Variants in SPEG observed in about 807,000 individuals in gnomAD.
SPEG encodes the protein striated muscle preferentially expressed protein kinase.
Under a neutral mutation model 300.4 loss-of-function variants are expected in SPEG, and 114 were observed. The ratio of observed to expected loss-of-function variants is 0.38; its 90% CI spans 0.33 to 0.44. The LOEUF is 0.44. Among genes scored for constraint, SPEG ranks in the 20% least tolerant of loss-of-function variants. The probability of loss-of-function intolerance (pLI) is 1.00; values close to 1 mark genes in which losing one functional copy is unlikely to be tolerated. For synonymous variants in SPEG, 1,964 were observed against 2,018.9 expected, an observed-to-expected ratio of 0.97 and a Z score of 0.73; for missense variants, 4,201 against 4,586.2, an observed-to-expected ratio of 0.92 and a Z score of 2.43.
At chr2:219,460,688 C>A (rs374844956) in intron 6 of SPEG, 2 of 985,430 alleles carry the variant, frequency 2.0e-6, no homozygotes, top group Admixed American at 6.1e-5. Context: ...CTCTCCTCCC[C>A]CTCCACACCA....
chr2:219,483,687 T>C lies in SPEG; in HGVS notation c.6224T>C (p.Leu2075Pro), dbSNP rs892492321. 2 of 1,534,096 alleles carry C rather than the reference T, an allele frequency of 1.3e-6. No homozygotes were observed. Among genetic ancestry groups the C allele is most frequent in the Admixed American group, 1.9e-5 (1 of 51,328 alleles). Residue 2075 changes from leucine to proline, a missense_variant, in exon 30 of 41, where the codon CTG (leucine) becomes CCG (proline). This residue lies in a region of SPEG where 1,578 missense variants were observed against 1,506.0 expected (regional missense o/e 1.05). Coordinates refer to ENST00000312358, the MANE Select transcript of SPEG (RefSeq NM_005876.5). Reference sequence around the variant, plus strand: ...CTGCAGGCCCTGCGCCAGCGGCTGCTGCGGGGAGGCCCCGAGGATGGCAAG... The same window carrying C: ...CTGCAGGCCCTGCGCCAGCGGCTGCCGCGGGGAGGCCCCGAGGATGGCAAG... The part of the protein sequence containing the change: ...QRLQALRQRL[L>P]RGGPEDGKVS...
At position 219,484,825 on chromosome 2, in the gene SPEG, C is replaced by A; in HGVS notation, c.7362C>A (p.Arg2454=). Reference sequence around the variant, plus strand: ...GGGGCTCCCCGGTGCTGGCGATGCGCAGGCGGCTGAGCTTCACCCTGGAGC... The same window carrying A: ...GGGGCTCCCCGGTGCTGGCGATGCGAAGGCGGCTGAGCTTCACCCTGGAGC... ...SARGSPVLAM[R]RRLSFTLERL... Residue 2454 remains arginine, a synonymous_variant, in exon 30 of 41, where the codon CGC becomes CGA. Transcript: ENST00000312358. 1 of 1,502,288 alleles carries A rather than the reference C, an allele frequency of 6.7e-7. No individual in the cohort carries two copies. Among genetic ancestry groups the A allele is most frequent in the Non-Finnish European group, 8.8e-7 (1 of 1,133,720 alleles). The allele number at this position is 1,502,288 out of a possible 1,614,324, so 93.1% of individuals were successfully genotyped here.
rs1257448474 is a variant in SPEG, at chr2:219,473,302, G to A, written c.4148-202G>A. 4 of 741,122 alleles carry A rather than the reference G, an allele frequency of 5.4e-6. No homozygotes were observed. Among genetic ancestry groups the A allele is most frequent in the African/African-American group, 5.3e-5 (3 of 56,540 alleles). The allele number at this position is 741,122 out of a possible 1,614,324, so 45.9% of individuals were successfully genotyped here. A position where few individuals can be genotyped will look rare whatever the true frequency, so the allele number is the denominator to read the frequency against. On this transcript the variant is annotated intron_variant, in intron 16 of 40. Coordinates refer to ENST00000312358, the MANE Select transcript of SPEG (RefSeq NM_005876.5). This position sits in a 1 kb window ranked among gnomAD's most constrained non-coding sequence, Gnocchi z 4.6. ...GCTGAAGCTCAGGCTTTGGGATCGG[G>A]CCTGCTGGGGTCCAACCCCACAACC...
chr2:219,448,358 C>G lies in SPEG; in HGVS notation c.1200C>G (p.Ile400Met), dbSNP rs1689478695. The change falls in exon 4 of 41, where the codon ATC (isoleucine) becomes ATG (methionine). Residue 400 changes from isoleucine to methionine, a missense_variant. Physicochemically the swap from Ile to Met is conservative, Grantham distance 10 (BLOSUM62 1). Coordinates refer to ENST00000312358, the MANE Select transcript of SPEG (RefSeq NM_005876.5). ...SPRLVRAGSR[I>M]LDKLQFFEER... ...GGCTGGTGCGCGCCGGCTCCCGCAT[C>G]CTGGACAAGCTGCAGTTCTTCGAGG... 6.3e-7 allele frequency: 1 copy of G among 1,582,582 alleles called. No homozygotes were observed. Among genetic ancestry groups the G allele is most frequent in the South Asian group, 1.1e-5 (1 of 87,634 alleles).
At position 219,472,325 on chromosome 2, in the gene SPEG, GC is replaced by G. The variant is rs1208103928; in HGVS notation, c.3936del (p.Ile1313SerfsTer6). On this transcript the variant is annotated frameshift_variant, in exon 15 of 41. Coordinates refer to ENST00000312358, the MANE Select transcript of SPEG (RefSeq NM_005876.5). LOFTEE classifies it high-confidence loss of function. Reference sequence around the variant, plus strand: ...GAACCCCCCCAGGAGTCTGGACATGGCCATCGGTGGGTCAGGGCTGCACAGG... The same window carrying G: ...GAACCCCCCCAGGAGTCTGGACATGGCATCGGTGGGTCAGGGCTGCACAGG... ...TWNPPRSLDM[A>X]IDPDSLTYTV... 1 of 1,613,436 alleles carries G rather than the reference GC, an allele frequency of 6.2e-7. No individual in the cohort carries two copies. The highest frequency in any genetic ancestry group is 8.5e-7 in the Non-Finnish European group (1 of 1,179,780).
In SPEG at chr2:219,480,120, G is replaced by A. The variant is rs534525374; in HGVS notation, c.5322G>A (p.Val1774=). ...VAPEIVNQSP[V]SGVTDIWPVG... ...CCGAGATTGTCAATCAGAGCCCCGT[G>A]TCTGGAGTCACTGACATCTGGTAAG... Residue 1774 remains valine, a synonymous_variant, in exon 25 of 41, where the codon GTG becomes GTA. Transcript: ENST00000312358. The surrounding 1 kb of genome is among the most constrained non-coding windows in gnomAD (Gnocchi z 5.3). 6.2e-7 allele frequency: 1 copy of A among 1,613,788 alleles called. No homozygotes were observed. Among genetic ancestry groups the A allele is most frequent in the African/African-American group, 1.3e-5 (1 of 74,928 alleles).
At chr2:219,462,189 A>G (rs2125403887) in intron 7 of SPEG, 109 bp from the exon 8 acceptor site, 1 of 1,191,262 alleles carries the variant, frequency 8.4e-7, no homozygotes, top group East Asian at 2.6e-5. Context: ...TCTTACCCAG[A>G]GCCAGTCTCA....
chr2:219,490,981 G>A lies in SPEG; in HGVS notation c.9385+25G>A, dbSNP rs776026826. ...GGTGAGGGGACCAGCTGCCAGCCAG[G>A]GTGGGGACAGGGCCCTGCCAGAGAG... On this transcript the variant is annotated intron_variant, in intron 38 of 40. Coordinates refer to ENST00000312358, the MANE Select transcript of SPEG (RefSeq NM_005876.5). 1.9e-5 allele frequency: 30 copies of A among 1,587,856 alleles called. 1 individual carries two copies. In the African/African-American group the frequency reaches 2.7e-4, roughly 14 times the overall value.
chr2:219,449,420 C>T (rs1689572698), intron 4 of SPEG, 149 bp downstream of exon 4: 1 of 548,530 alleles, frequency 1.8e-6, no homozygotes, highest in Non-Finnish European at 2.9e-6. Context: ...AAAGAAGGCA[C>T]AGACACAGGC....
intron 9 of SPEG, chr2:219,466,124 A>G (rs1236339862): frequency 6.4e-7 from 1 of 1,567,920 alleles, no homozygotes. Context: ...TGTCTCAGGC[A>G]CCTCTCGGAC....
At position 219,459,935 on chromosome 2, in the gene SPEG, G is replaced by A. The variant is rs1047130864; in HGVS notation, c.2441-1947G>A. Among the ~76,000 whole-genome samples the A allele has an allele frequency of 2.0e-5, 3 of 152,204 alleles. No homozygotes were observed. The highest frequency in any genetic ancestry group is 1.9e-4 in the East Asian group (1 of 5,196). ...GCTTGGGAATGTGGCCCCGGGTTGC[G>A]GGGTGAGGTGATAGGAAGAGGGAGA... is the stretch of plus-strand genomic sequence containing the variant. On this transcript the variant is annotated intron_variant, in intron 6 of 40. Coordinates refer to ENST00000312358, the MANE Select transcript of SPEG (RefSeq NM_005876.5). This position sits in a 1 kb window ranked among gnomAD's most constrained non-coding sequence, Gnocchi z 4.9.
rs1692618535 is a variant in SPEG, at chr2:219,479,286, G to A, written c.5085+85G>A. The A allele has an allele frequency of 4.3e-6, 5 of 1,155,982 alleles. No individual in the cohort carries two copies. Among genetic ancestry groups the A allele is most frequent in the Non-Finnish European group, 6.4e-6 (5 of 784,688 alleles). The allele number at this position is 1,155,982 out of a possible 1,614,324, so 71.6% of individuals were successfully genotyped here. A position where few individuals can be genotyped will look rare whatever the true frequency, so the allele number is the denominator to read the frequency against. On this transcript the variant is annotated intron_variant, in intron 23 of 40. Coordinates refer to ENST00000312358, the MANE Select transcript of SPEG (RefSeq NM_005876.5). This position sits in a 1 kb window ranked among gnomAD's most constrained non-coding sequence, Gnocchi z 5.5. ...GAGAACCAACAAATGGGTCCTGAGT[G>A]TGCCATCTGTGCCCACAGGAAGCCA...
intron 37 of SPEG, 25 bp from the exon 38 acceptor site, chr2:219,490,708 A>G (rs1011010729): frequency 6.2e-7 from 1 of 1,613,318 alleles, no homozygotes; most frequent in African/African-American, 1.3e-5. Flanking sequence ...GCCGGGTATC[A>G]TCTGCTCCAT....
rs1694124250 is a variant in SPEG, at chr2:219,493,113, G to A, written c.*327G>A. On this transcript the variant is annotated 3_prime_UTR_variant, in exon 41 of 41. Coordinates refer to ENST00000312358, the MANE Select transcript of SPEG (RefSeq NM_005876.5). ...GGGGGAGGCTCTAGGAAGGTTCTGG[G>A]TTGGGGGTCAGTGCATCTCAGGGAG... 1.8e-6 allele frequency: 1 copy of A among 570,194 alleles called. No individual in the cohort carries two copies. The highest frequency in any genetic ancestry group is 3.3e-6 in the Non-Finnish European group (1 of 304,194). 35.3% of individuals were successfully genotyped at this position (570,194 alleles called of 1,614,324 possible).
At chr2:219,491,126 T>C (rs1268046021) in intron 38 of SPEG, among the ~76,000 whole-genome samples, 170 bp downstream of exon 38, 1 of 152,232 alleles carries the variant, frequency 6.6e-6, no homozygotes, top group Non-Finnish European at 1.5e-5. Context: ...GAGTGTGGCA[T>C]AATATTAGCC....
In SPEG at chr2:219,458,068, G is replaced by A. The variant is rs772465776; in HGVS notation, c.2441-3814G>A. ...GTTTGTCTTCCCCACCACCCAGAAGGCTCCTGAGGACATGACCATGTCTTT... is the reference window on the plus strand; with the variant it reads ...GTTTGTCTTCCCCACCACCCAGAAGACTCCTGAGGACATGACCATGTCTTT... On this transcript the variant is annotated intron_variant, in intron 6 of 40. Coordinates refer to ENST00000312358, the MANE Select transcript of SPEG (RefSeq NM_005876.5). The surrounding 1 kb of genome is among the most constrained non-coding windows in gnomAD (Gnocchi z 4.2). Among the ~76,000 whole-genome samples, 5 of 152,102 alleles carry A rather than the reference G, an allele frequency of 3.3e-5. No homozygotes were observed. The highest frequency in any genetic ancestry group is 7.2e-5 in the African/African-American group (3 of 41,412).
At position 219,493,461 on chromosome 2, in the gene SPEG, G is replaced by T. The variant is rs1437250205; in HGVS notation, c.*675G>T. On this transcript the variant is annotated 3_prime_UTR_variant, in exon 41 of 41. Transcript: ENST00000312358. ...CTGCTGGCCCAAGGATGTCCCCACT[G>T]CCCCTCCATGGCCTCTGGCCTTCTT... 4.6e-6 allele frequency: 2 copies of T among 432,490 alleles called. No individual in the cohort carries two copies. The highest frequency in any genetic ancestry group is 9.4e-6 in the Non-Finnish European group (2 of 212,804). 26.8% of individuals were successfully genotyped at this position (432,490 alleles called of 1,614,324 possible). A position where few individuals can be genotyped will look rare whatever the true frequency, so the allele number is the denominator to read the frequency against.
Position 219,448,289 on chromosome 2 carries a change from G to A in SPEG, c.1131G>A (p.Leu377=). Residue 377 remains leucine (L), a synonymous_variant, in exon 4 of 41, where the codon CTG becomes CTA. Coordinates refer to ENST00000312358, the MANE Select transcript of SPEG (RefSeq NM_005876.5). ...CGGAATCCCGACCCCAGACGCCACTGAGCGAGGCCTCAGGCCGCCTGTCGG... is the reference window on the plus strand; with the variant it reads ...CGGAATCCCGACCCCAGACGCCACTAAGCGAGGCCTCAGGCCGCCTGTCGG... The part of the protein sequence containing the change: ...GTAESRPQTP[L]SEASGRLSAL... 2 of 1,610,392 alleles carry A rather than the reference G, an allele frequency of 1.2e-6. No homozygotes were observed. The highest frequency in any genetic ancestry group is 1.7e-6 in the Non-Finnish European group (2 of 1,178,998).
In SPEG at chr2:219,459,075, A is replaced by G. The variant is rs1185601528; in HGVS notation, c.2441-2807A>G. Among the ~76,000 whole-genome samples the G allele has an allele frequency of 6.6e-6, 1 of 152,218 alleles. No homozygotes were observed. On this transcript the variant is annotated intron_variant, in intron 6 of 40. Transcript: ENST00000312358. This position sits in a 1 kb window ranked among gnomAD's most constrained non-coding sequence, Gnocchi z 4.9. Reference sequence around the variant, plus strand: ...AGAGGGAGTTCCCTGTGTGCTTCCTAACGCCAGTATTTTCATCAAATGAGT... The same window carrying G: ...AGAGGGAGTTCCCTGTGTGCTTCCTGACGCCAGTATTTTCATCAAATGAGT...
Sources: allele counts gnomAD v4.1 joint callset (sites outside exome capture counted in the v4.1 genomes callset), GRCh38; gene constraint gnomAD v4.1.1; regional missense constraint gnomAD v4.1.1; non-coding constraint Gnocchi (gnomAD v3.1); transcripts MANE v1.5; gene names NCBI Gene and HGNC (gene_info 2026-07-23, HGNC 2026-07-21).